Variants in SLC41A2 observed in about 807,000 individuals in gnomAD.
SLC41A2 encodes the protein SLC41A1-like 1.
Under a neutral mutation model 58.3 loss-of-function variants are expected in SLC41A2, and 32 were observed. That is an observed-to-expected ratio of 0.55 (90% CI 0.41 to 0.74). The LOEUF is 0.74. Ranked by LOEUF, SLC41A2 falls within the 30% of genes least tolerant of loss-of-function variation. The pLI, the probability that SLC41A2 is intolerant of heterozygous loss-of-function variation, is 0.00. For missense variants in SLC41A2, 514 were observed against 680.6 expected, an observed-to-expected ratio of 0.76 and a Z score of 2.72; for synonymous variants, 190 against 235.0, an observed-to-expected ratio of 0.81 and a Z score of 1.75.
At chr12:104,930,864 G>A (rs780423045) in intron 1 of SLC41A2, among the ~76,000 whole-genome samples, 3 of 152,212 alleles carry the variant, frequency 2.0e-5, no homozygotes, top group Non-Finnish European at 4.4e-5. Context: ...GCAGAACGTG[G>A]CTAAGCACAT....
intron 10 of SLC41A2, among the ~76,000 whole-genome samples, chr12:104,836,892 A>G (rs910674398): frequency 2.6e-5 from 4 of 152,192 alleles, no homozygotes; most frequent in Non-Finnish European, 5.9e-5. Context: ...AGATTGTTTT[A>G]GTATTAACAT....
chr12:104,915,528 G>C (rs1429757970), intron 2 of SLC41A2, among the ~76,000 whole-genome samples: 1 of 152,146 alleles, frequency 6.6e-6, no homozygotes, highest in East Asian at 1.9e-4. Context: ...TCTCTTTGAA[G>C]CAATTGTGAA....
intron 10 of SLC41A2, among the ~76,000 whole-genome samples, chr12:104,837,227 T>G (rs1020604501): frequency 1.3e-5 from 2 of 152,164 alleles, no homozygotes; most frequent in African/African-American, 4.8e-5. Flanking sequence ...TTAGACTGCA[T>G]GGACTCACCA....
At chr12:104,837,879 T>C (rs558053894) in intron 10 of SLC41A2, among the ~76,000 whole-genome samples, 1 of 152,148 alleles carries the variant, frequency 6.6e-6, no homozygotes, top group Non-Finnish European at 1.5e-5. Context: ...AGGGGAAAAA[T>C]AAGGTTACAA....
chr12:104,853,911 A>ATTATTATTATTTTTTTTTTTTT lies in SLC41A2; in HGVS notation c.1255+7379_1255+7380insAAAAAAAAAAAAATAATAATAA. On this transcript the variant is annotated intron_variant, in intron 8 of 10. Transcript: ENST00000258538. Reference sequence around the variant, plus strand: ...GGGTGCATGTCACCATGCCTGGCTGATTTTTTTTTTTTTTTTTTTTTTTTT... The same window carrying ATTATTATTATTTTTTTTTTTTT: ...GGGTGCATGTCACCATGCCTGGCTGATTATTATTATTTTTTTTTTTTTTTTTTTTTTTTTTTTTTTTTTTTTT... 1.6e-3 allele frequency among the ~76,000 whole-genome samples: 97 copies of ATTATTATTATTTTTTTTTTTTT among 59,472 alleles called. 5 individuals carry two copies. The highest frequency in any genetic ancestry group is 3.0e-3 in the South Asian group (6 of 2,004). The allele number at this position is 59,472 out of a possible 152,430, so 39.0% of individuals were successfully genotyped here.
rs1392884640 is a variant in SLC41A2 at position 104,886,533 on chromosome 12, T to G, written c.881-94A>C. ...ATGTGTAGGATAGAAAAACAGCATA[T>G]CAATTCCAGTTAGACTGCTTAGATA... On this transcript the variant is annotated intron_variant, in intron 5 of 10. Transcript: ENST00000258538. 3 of 1,314,330 alleles carry G rather than the reference T, an allele frequency of 2.3e-6. No homozygotes were observed. In the East Asian group the frequency reaches 7.0e-5, roughly 31 times the overall value. 81.4% of individuals were successfully genotyped at this position (1,314,330 alleles called of 1,614,324 possible). A position where few individuals can be genotyped will look rare whatever the true frequency, so the allele number is the denominator to read the frequency against.
At chr12:104,830,338 A>T (rs1172745197) in intron 10 of SLC41A2, among the ~76,000 whole-genome samples, 1 of 152,206 alleles carries the variant, frequency 6.6e-6, no homozygotes, top group Non-Finnish European at 1.5e-5. Context: ...TAACCTACAC[A>T]TGTCCTCCTG....
intron 10 of SLC41A2, among the ~76,000 whole-genome samples, chr12:104,810,346 T>C (rs2041117783): frequency 6.6e-6 from 1 of 152,114 alleles, no homozygotes; most frequent in Non-Finnish European, 1.5e-5. Context: ...TTTAAAAGAA[T>C]GAGGGTAGCT....
intron 10 of SLC41A2, among the ~76,000 whole-genome samples, chr12:104,826,877 T>G (rs2041864145): frequency 6.6e-6 from 1 of 152,126 alleles, no homozygotes; most frequent in Non-Finnish European, 1.5e-5. Flanking sequence ...AGCAGAGAGA[T>G]TTGGGGATGA....
chr12:104,902,181 A>T, intron 3 of SLC41A2, among the ~76,000 whole-genome samples: 1 of 89,496 alleles, frequency 1.1e-5, no homozygotes, highest in South Asian at 2.7e-4. Context: ...GCTTTAAGTT[A>T]AAAAGAGACC....
intron 3 of SLC41A2, among the ~76,000 whole-genome samples, chr12:104,901,211 A>G (rs1158848876): frequency 1.3e-5 from 2 of 151,886 alleles, no homozygotes; most frequent in Middle Eastern, 3.2e-3. Context: ...TTTTTCAAAT[A>G]CTGTTTTTAG....
At chr12:104,827,285 T>C (rs2041879505) in intron 10 of SLC41A2, among the ~76,000 whole-genome samples, 1 of 152,200 alleles carries the variant, frequency 6.6e-6, no homozygotes, top group Non-Finnish European at 1.5e-5. Flanking sequence ...GATAGCACTT[T>C]AGAGAACCTC....
chr12:104,954,711 G>C (rs2048083251), intron 1 of SLC41A2, among the ~76,000 whole-genome samples: 1 of 152,158 alleles, frequency 6.6e-6, no homozygotes, highest in Admixed American at 6.5e-5. Context: ...TGGCATAAAA[G>C]GGTTAATTCA....
At chr12:104,815,615 G>C (rs1338436107) in intron 10 of SLC41A2, among the ~76,000 whole-genome samples, 2 of 152,112 alleles carry the variant, frequency 1.3e-5, no homozygotes, top group Non-Finnish European at 2.9e-5. Flanking sequence ...TTCTTTGGGA[G>C]AGGAAGGCTT....
intron 10 of SLC41A2, among the ~76,000 whole-genome samples, chr12:104,842,340 A>T (rs1044212929): frequency 1.3e-5 from 2 of 152,100 alleles, no homozygotes; most frequent in African/African-American, 4.8e-5. Context: ...CAGGCTGCAA[A>T]TGCAAAGGTC....
At chr12:104,912,170 G>A (rs1011290485) in intron 2 of SLC41A2, among the ~76,000 whole-genome samples, 10 of 152,092 alleles carry the variant, frequency 6.6e-5, no homozygotes, top group Non-Finnish European at 1.2e-4. Context: ...GTGATACTGC[G>A]AAGCATATAT....
chr12:104,834,106 C>T, intron 10 of SLC41A2: 2 of 985,386 alleles, frequency 2.0e-6, no homozygotes, highest in Non-Finnish European at 2.4e-6. Context: ...AGGAATCAAG[C>T]ATGCTGTGCC....
At chr12:104,867,528 ACTGAATTTT>A (rs1331741785) in intron 6 of SLC41A2, among the ~76,000 whole-genome samples, 1 of 151,702 alleles carries the variant, frequency 6.6e-6, no homozygotes, top group Non-Finnish European at 1.5e-5. Flanking sequence ...CTTATCTTTG[ACTGAATTTT>A]CTATTTTTTT....
At chr12:104,912,723 C>T (rs1010667147) in intron 2 of SLC41A2, among the ~76,000 whole-genome samples, 2 of 152,192 alleles carry the variant, frequency 1.3e-5, no homozygotes, top group African/African-American at 4.8e-5. Context: ...AGCTTAAAGC[C>T]AGTTGGTCAG....
Sources: allele counts gnomAD v4.1 joint callset (sites outside exome capture counted in the v4.1 genomes callset), GRCh38; gene constraint gnomAD v4.1.1; transcripts MANE v1.5; gene names NCBI Gene and HGNC (gene_info 2026-07-23, HGNC 2026-07-21).